AUTS2: variants seen among roughly 807,000 people sequenced by gnomAD.
AUTS2 encodes activator of transcription and developmental regulator AUTS2.
In AUTS2, 17 loss-of-function variants were observed where a neutral mutation model predicts 112.4. The observed-to-expected ratio is 0.15, with a 90% CI of 0.10 to 0.23. AUTS2 has a LOEUF of 0.23. Ranked by LOEUF, AUTS2 falls within the 10% of genes least tolerant of loss-of-function variation. The pLI, the probability that AUTS2 is intolerant of heterozygous loss-of-function variation, is 1.00. For synonymous variants in AUTS2, 751 were observed against 702.7 expected, an observed-to-expected ratio of 1.07 and a Z score of -1.09; for missense variants, 1,510 against 1,701.6, an observed-to-expected ratio of 0.89 and a Z score of 1.98.
At position 69,944,100 on chromosome 7, in the gene AUTS2, G is replaced by A. The variant is rs531157750; in HGVS notation, c.522+44602G>A. On this transcript the variant is annotated intron_variant, in intron 2 of 18. Coordinates refer to ENST00000342771, the MANE Select transcript of AUTS2 (RefSeq NM_015570.4). ...AAGACCTCAGAGTTAGTTAATGGAA[G>A]TGCAAGTTTCAAAACCAGGCTGCGA... Among the ~76,000 whole-genome samples, 137 of 152,298 alleles carry A rather than the reference G, an allele frequency of 9.0e-4. 1 individual carries two copies. The highest frequency in any genetic ancestry group is 2.4e-4 in the Non-Finnish European group (16 of 68,024).
intron 2 of AUTS2, among the ~76,000 whole-genome samples, chr7:70,097,636 T>C (rs1276706503): frequency 6.6e-6 from 1 of 152,240 alleles, no homozygotes; most frequent in Middle Eastern, 3.2e-3. Flanking sequence ...ATTCTATACA[T>C]TGTCAACCCC....
intron 6 of AUTS2, among the ~76,000 whole-genome samples, chr7:70,740,507 A>C (rs1010448800): frequency 6.6e-6 from 1 of 151,992 alleles, no homozygotes; most frequent in Non-Finnish European, 1.5e-5. Context: ...GATCATAATC[A>C]TGTCTCATCA....
chr7:69,975,204 C>T (rs896316243), intron 2 of AUTS2, among the ~76,000 whole-genome samples: 5 of 151,906 alleles, frequency 3.3e-5, no homozygotes, highest in Non-Finnish European at 5.9e-5. Context: ...TTCTTCTGGC[C>T]TTCAGGGTTT....
intron 5 of AUTS2, among the ~76,000 whole-genome samples, chr7:70,480,262 C>T (rs1797739109): frequency 1.3e-5 from 2 of 152,118 alleles, no homozygotes; most frequent in Middle Eastern, 3.2e-3. Flanking sequence ...GAGTGTGAGC[C>T]GGATTAGCAC....
At chr7:69,755,570 C>T (rs1787912316) in intron 1 of AUTS2, among the ~76,000 whole-genome samples, 1 of 152,090 alleles carries the variant, frequency 6.6e-6, no homozygotes, top group African/African-American at 2.4e-5. Context: ...TGTTGTTTTT[C>T]CTGGGAATAC....
chr7:69,763,671 G>C (rs147347834), intron 1 of AUTS2, among the ~76,000 whole-genome samples: 192 of 152,268 alleles, frequency 1.3e-3, no homozygotes, highest in Middle Eastern at 3.4e-3. Context: ...CTTTATTTCT[G>C]CATCTGTAAA....
chr7:70,226,098 T>A (rs1301399649), intron 4 of AUTS2, among the ~76,000 whole-genome samples: 2 of 152,328 alleles, frequency 1.3e-5, no homozygotes, highest in East Asian at 3.9e-4. Flanking sequence ...TGGCAGAACA[T>A]TTATGTCATC....
At chr7:70,326,511 C>T (rs1790494099) in intron 4 of AUTS2, among the ~76,000 whole-genome samples, 1 of 152,218 alleles carries the variant, frequency 6.6e-6, no homozygotes, top group East Asian at 1.9e-4. Flanking sequence ...CACAGTTACA[C>T]AAAGGAAATG....
At chr7:70,720,594 G>T (rs1290029911) in intron 6 of AUTS2, among the ~76,000 whole-genome samples, 1 of 151,966 alleles carries the variant, frequency 6.6e-6, no homozygotes, top group Non-Finnish European at 1.5e-5. Context: ...TTCAGCTCTG[G>T]TTCCCTCTAA....
chr7:69,826,789 A>G (rs554595187), intron 1 of AUTS2, among the ~76,000 whole-genome samples: 1 of 152,306 alleles, frequency 6.6e-6, no homozygotes, highest in South Asian at 2.1e-4. Flanking sequence ...TGATAATGTT[A>G]AAGCTTAATA....
intron 5 of AUTS2, among the ~76,000 whole-genome samples, chr7:70,560,813 A>T (rs1801457006): frequency 6.6e-6 from 1 of 152,234 alleles, no homozygotes; most frequent in Non-Finnish European, 1.5e-5. Flanking sequence ...GGACTGAAAC[A>T]ACGTGTAATA....
chr7:70,001,888 T>C (rs1179329538), intron 2 of AUTS2, among the ~76,000 whole-genome samples: 1 of 151,962 alleles, frequency 6.6e-6, no homozygotes, highest in Non-Finnish European at 1.5e-5. Flanking sequence ...TTTTTGTATT[T>C]CAAGTACAGA....
chr7:70,594,684 T>C (rs753568200), intron 5 of AUTS2, among the ~76,000 whole-genome samples: 2 of 152,148 alleles, frequency 1.3e-5, no homozygotes, highest in Non-Finnish European at 2.9e-5. Flanking sequence ...TCCATTTGTA[T>C]GGGCGGAGGT....
Position 70,328,306 on chromosome 7 carries a change from T to C in AUTS2, c.661-107446T>C, listed in dbSNP as rs138711867. ...GAATGATCATAGCTCACTGTAGCCT[T>C]GAACTCCCAGGCTCAAGCAGTCTTC... is the stretch of plus-strand genomic sequence containing the variant. On this transcript the variant is annotated intron_variant, in intron 4 of 18. Coordinates refer to ENST00000342771, the MANE Select transcript of AUTS2 (RefSeq NM_015570.4). 4.9e-4 allele frequency among the ~76,000 whole-genome samples: 75 copies of C among 152,264 alleles called. 2 individuals are homozygous for C. Among genetic ancestry groups the C allele is most frequent in the Middle Eastern group, 3.4e-3 (1 of 294 alleles).
At chr7:69,675,543 C>T (rs1488027086) in intron 1 of AUTS2, among the ~76,000 whole-genome samples, 1 of 130,594 alleles carries the variant, frequency 7.7e-6, no homozygotes, top group East Asian at 2.3e-4. Flanking sequence ...GAGTCTTGCT[C>T]TGTATCCCAG....
intron 4 of AUTS2, among the ~76,000 whole-genome samples, chr7:70,303,434 G>GCGCACA (rs1241517255): frequency 0.026 from 3,717 of 141,988 alleles, 72 homozygotes; most frequent in South Asian, 0.035. Flanking sequence ...GCGCGCGCGC[G>GCGCACA]CACATACACA....
chr7:70,692,387 C>T (rs116951347), intron 5 of AUTS2, among the ~76,000 whole-genome samples: 1 of 152,166 alleles, frequency 6.6e-6, no homozygotes, highest in Non-Finnish European at 1.5e-5. Flanking sequence ...TTTGATTGTT[C>T]CAAAAGAAAC....
intron 4 of AUTS2, among the ~76,000 whole-genome samples, chr7:70,395,105 A>G (rs893594874): frequency 2.4e-4 from 37 of 151,552 alleles, no homozygotes; most frequent in African/African-American, 9.0e-4. Context: ...GAGGAGATTG[A>G]CCACTGTGGT....
At chr7:70,398,475 A>T (rs1794183763) in intron 4 of AUTS2, among the ~76,000 whole-genome samples, 1 of 152,018 alleles carries the variant, frequency 6.6e-6, no homozygotes, top group African/African-American at 2.4e-5. Flanking sequence ...TGTGATCCCT[A>T]GTTTTTTATA....
Sources: gnomAD v4.1 joint callset for allele counts (sites outside exome capture counted in the v4.1 genomes callset) on GRCh38, gnomAD v4.1.1 for gene constraint, MANE v1.5 for transcripts, NCBI Gene and HGNC (gene_info 2026-07-23, HGNC 2026-07-21) for gene names.